Variants in CCSER1 observed in about 807,000 individuals in gnomAD.
CCSER1 encodes coiled-coil serine rich protein 1, also known as serine-rich coiled-coil domain-containing protein 1.
Under a neutral mutation model 82.0 loss-of-function variants are expected in CCSER1, and 41 were observed. The observed-to-expected ratio is 0.50, with a 90% CI of 0.39 to 0.65. CCSER1 has a LOEUF of 0.65. Among genes scored for constraint, CCSER1 ranks in the 30% least tolerant of loss-of-function variants. The pLI is 0.00. For missense variants in CCSER1, 1,119 were observed against 1,064.2 expected (o/e 1.05, Z -0.72); for synonymous variants, 414 against 383.9 (o/e 1.08, Z -0.92).
At chr4:91,032,886 G>A (rs1397560498) in intron 9 of CCSER1, among the ~76,000 whole-genome samples, 2 of 152,158 alleles carry the variant, frequency 1.3e-5, no homozygotes, top group African/African-American at 4.8e-5. Flanking sequence ...AGTGTAGGTA[G>A]CTTGGGACCA....
intron 9 of CCSER1, among the ~76,000 whole-genome samples, chr4:90,956,058 A>G (rs1733401890): frequency 6.6e-6 from 1 of 152,192 alleles, no homozygotes. Flanking sequence ...TCCTCACTGC[A>G]AGATGGGTGT....
At chr4:91,545,589 A>T (rs1458251682) in intron 10 of CCSER1, among the ~76,000 whole-genome samples, 3 of 152,126 alleles carry the variant, frequency 2.0e-5, no homozygotes, top group Non-Finnish European at 2.9e-5. Context: ...AATTCCACTC[A>T]TTCATTGCCT....
At chr4:90,340,120 G>A (rs1301432235) in intron 3 of CCSER1, among the ~76,000 whole-genome samples, 1 of 151,996 alleles carries the variant, frequency 6.6e-6, no homozygotes, top group South Asian at 2.1e-4. Context: ...CACTTCCAAT[G>A]GTTTTCTGCC....
At chr4:91,124,355 A>G (rs1201909276) in intron 10 of CCSER1, among the ~76,000 whole-genome samples, 1 of 151,812 alleles carries the variant, frequency 6.6e-6, no homozygotes, top group Non-Finnish European at 1.5e-5. Context: ...ACCGATGCAC[A>G]TCTTTGGTTG....
intron 3 of CCSER1, among the ~76,000 whole-genome samples, chr4:90,320,796 A>C (rs1205449122): frequency 6.6e-6 from 1 of 152,080 alleles, no homozygotes; most frequent in Non-Finnish European, 1.5e-5. Context: ...CACAATTTGT[A>C]TGTTTGTTGG....
chr4:90,415,383 C>T (rs988808748), intron 4 of CCSER1, among the ~76,000 whole-genome samples: 7 of 152,060 alleles, frequency 4.6e-5, no homozygotes, highest in Non-Finnish European at 1.5e-5. Flanking sequence ...GTACTTAATT[C>T]AAAATAAAAT....
chr4:90,819,356 A>C (rs1759441305), intron 8 of CCSER1, among the ~76,000 whole-genome samples: 1 of 152,168 alleles, frequency 6.6e-6, no homozygotes. Context: ...AGGGGGAACA[A>C]TTCAGTACAT....
chr4:90,913,059 ACT>A (rs1157221875), intron 8 of CCSER1, among the ~76,000 whole-genome samples: 2 of 152,210 alleles, frequency 1.3e-5, no homozygotes, highest in Admixed American at 6.5e-5. Flanking sequence ...GTTGGAAAAC[ACT>A]CTGCAGGATA....
intron 9 of CCSER1, among the ~76,000 whole-genome samples, chr4:90,936,668 G>T (rs1730971899): frequency 6.6e-6 from 1 of 152,000 alleles, no homozygotes; most frequent in South Asian, 2.1e-4. Context: ...GTATATGAAT[G>T]TTGGGAACCT....
chr4:91,593,772 C>T (rs1764386333), intron 10 of CCSER1, among the ~76,000 whole-genome samples: 1 of 152,106 alleles, frequency 6.6e-6, no homozygotes, highest in Non-Finnish European at 1.5e-5. Flanking sequence ...CAATGAGAGG[C>T]TGGTGTGACT....
intron 10 of CCSER1, among the ~76,000 whole-genome samples, chr4:91,183,713 AT>A (rs1440833808): frequency 6.6e-6 from 1 of 152,210 alleles, no homozygotes; most frequent in Non-Finnish European, 1.5e-5. Flanking sequence ...CAGTAGGTGA[AT>A]GCTGAGTTGA....
At chr4:91,255,672 A>T (rs1740624615) in intron 10 of CCSER1, among the ~76,000 whole-genome samples, 1 of 152,214 alleles carries the variant, frequency 6.6e-6, no homozygotes, top group Non-Finnish European at 1.5e-5. Flanking sequence ...TTTCATGGAC[A>T]TTTGTTAGTT....
chr4:91,370,021 C>A (rs1749920984), intron 10 of CCSER1, among the ~76,000 whole-genome samples: 1 of 151,832 alleles, frequency 6.6e-6, no homozygotes, highest in South Asian at 2.1e-4. Context: ...ACCCTTACTT[C>A]TAAACTATAT....
At chr4:91,079,316 G>C (rs554338391) in intron 9 of CCSER1, among the ~76,000 whole-genome samples, 2 of 152,258 alleles carry the variant, frequency 1.3e-5, no homozygotes, top group African/African-American at 4.8e-5. Context: ...TTCATATTCA[G>C]CCAAACTAAG....
chr4:91,546,972 C>CTTT (rs70937013), intron 10 of CCSER1, among the ~76,000 whole-genome samples: 3 of 133,452 alleles, frequency 2.2e-5, no homozygotes, highest in South Asian at 2.3e-4. Flanking sequence ...CTTGAGTTTT[C>CTTT]TTTTTTTTTT....
At chr4:90,391,473 TATATATATATATACAC>T (rs1338843017) in intron 3 of CCSER1, among the ~76,000 whole-genome samples, 1 of 91,470 alleles carries the variant, frequency 1.1e-5, no homozygotes, top group African/African-American at 6.6e-5. Flanking sequence ...TATATATATA[TATATATATATATACAC>T]ACACACAGTG....
intron 6 of CCSER1, among the ~76,000 whole-genome samples, chr4:90,640,451 T>C (rs1726288478): frequency 1.3e-5 from 2 of 152,286 alleles, no homozygotes; most frequent in African/African-American, 2.4e-5. Flanking sequence ...GTATTCTCCA[T>C]GTTGAGGTAT....
intron 1 of CCSER1, among the ~76,000 whole-genome samples, chr4:90,132,243 A>G (rs564291347): frequency 2.6e-4 from 40 of 152,204 alleles, no homozygotes; most frequent in Non-Finnish European, 5.9e-4. Flanking sequence ...GTTTTGGACT[A>G]TATGTCACAG....
intron 1 of CCSER1, among the ~76,000 whole-genome samples, chr4:90,158,702 T>C (rs1340212274): frequency 2.0e-5 from 3 of 152,206 alleles, no homozygotes; most frequent in Admixed American, 2.0e-4. Context: ...TATAATCTAC[T>C]GCTGCGCCGT....
Sources: gnomAD v4.1 joint callset for allele counts (sites outside exome capture counted in the v4.1 genomes callset) on GRCh38, gnomAD v4.1.1 for gene constraint, MANE v1.5 for transcripts, NCBI Gene and HGNC (gene_info 2026-07-23, HGNC 2026-07-21) for gene names.